RNF169: variants seen among roughly 807,000 people sequenced by gnomAD.
RNF169 encodes ring finger protein 169, also known as E3 ubiquitin-protein ligase RNF169.
RNF169 carries 24 observed loss-of-function variants against 53.9 expected under a neutral mutation model. That is an observed-to-expected ratio of 0.45 (90% CI 0.32 to 0.63). The LOEUF (loss-of-function observed/expected upper bound fraction) is 0.63. Among genes scored for constraint, RNF169 ranks in the 20% least tolerant of loss-of-function variants. The pLI, the probability that RNF169 is intolerant of heterozygous loss-of-function variation, is 0.04. For missense variants in RNF169, 883 were observed against 906.2 expected, an observed-to-expected ratio of 0.97 and a Z score of 0.33; for synonymous variants, 396 against 363.5, an observed-to-expected ratio of 1.09 and a Z score of -1.02.
intron 2 of RNF169, among the ~76,000 whole-genome samples, chr11:74,797,574 A>G (rs767091939): frequency 3.5e-4 from 53 of 152,188 alleles, no homozygotes; most frequent in Non-Finnish European, 2.9e-5. Context: ...CTCTTCACCA[A>G]GTACTTATCT....
At chr11:74,791,865 G>A (rs1332795956) in intron 2 of RNF169, among the ~76,000 whole-genome samples, 1 of 152,198 alleles carries the variant, frequency 6.6e-6, no homozygotes, top group Non-Finnish European at 1.5e-5. Context: ...ACCTGTTCCT[G>A]GCTCCAGCTG....
intron 1 of RNF169, among the ~76,000 whole-genome samples, chr11:74,758,572 G>C (rs1435375129): frequency 2.0e-5 from 3 of 151,656 alleles, no homozygotes; most frequent in African/African-American, 7.3e-5. Context: ...CGGGATCTCG[G>C]CTCACTGCAA....
At chr11:74,801,041 T>C (rs1426058808) in intron 2 of RNF169, among the ~76,000 whole-genome samples, 1 of 152,234 alleles carries the variant, frequency 6.6e-6, no homozygotes, top group East Asian at 1.9e-4. Context: ...TGGTAAAATA[T>C]TATTTTTGCA....
Position 74,839,965 on chromosome 11 carries a change from A to G in RNF169, c.*3235A>G, listed in dbSNP as rs551085779. 5 of 152,234 alleles carry G rather than the reference A, an allele frequency of 3.3e-5. No homozygotes were observed. The East Asian group carries it at 9.7e-4, about 29-fold the overall frequency. 9.4% of individuals were successfully genotyped at this position (152,234 alleles called of 1,614,324 possible). On this transcript the variant is annotated 3_prime_UTR_variant, in exon 6 of 6. Transcript: ENST00000299563. The stretch of plus-strand genomic sequence containing the variant: ...TTTTAAATTTTAATTTAATTTTTAA[A>G]TTTTTGCTTGGAAGCAGCACTGGTA...
chr11:74,820,936 C>G (rs546696317), intron 4 of RNF169, among the ~76,000 whole-genome samples: 1 of 152,246 alleles, frequency 6.6e-6, no homozygotes, highest in African/African-American at 2.4e-5. Flanking sequence ...ATTTAATTCT[C>G]ATATTCATCC....
chr11:74,769,725 A>T (rs1184622566), intron 1 of RNF169, among the ~76,000 whole-genome samples: 2 of 152,234 alleles, frequency 1.3e-5, no homozygotes, highest in Non-Finnish European at 2.9e-5. Context: ...TATATAAGTA[A>T]AAGTACGGAA....
chr11:74,756,886 G>A (rs563280382), intron 1 of RNF169, among the ~76,000 whole-genome samples: 2 of 152,180 alleles, frequency 1.3e-5, no homozygotes, highest in South Asian at 4.2e-4. Flanking sequence ...CACTCCCATG[G>A]GAGTGTTGTA....
At chr11:74,820,658 T>G (rs1364918828) in intron 4 of RNF169, among the ~76,000 whole-genome samples, 1 of 152,072 alleles carries the variant, frequency 6.6e-6, no homozygotes, top group Admixed American at 6.6e-5. Context: ...AGTCAAGTGT[T>G]TACCAGCCTG....
rs916890589 is a variant in RNF169 at position 74,748,930 on chromosome 11, C to T, written c.50C>T (p.Ala17Val). The T allele has an allele frequency of 6.9e-7, 1 of 1,458,902 alleles. No homozygotes were observed. The highest frequency in any genetic ancestry group is 9.1e-7 in the Non-Finnish European group (1 of 1,095,998). 90.4% of individuals were successfully genotyped at this position (1,458,902 alleles called of 1,614,324 possible). Residue 17 changes from alanine to valine, a missense_variant, in exon 1 of 6, where the codon GCC becomes GTC. Physicochemically the swap from Ala to Val is moderately conservative, Grantham distance 64. Transcript: ENST00000299563. The part of the protein sequence containing the change: ...STRASSAAAA[A>V]ALSRRGRRGR... ...CGGGCCTCTTCCGCGGCGGCAGCAG[C>T]CGCTCTGAGTCGGCGGGGCCGGCGG...
intron 1 of RNF169, among the ~76,000 whole-genome samples, chr11:74,764,874 CAG>C (rs890759809): frequency 2.6e-5 from 4 of 152,290 alleles, no homozygotes; most frequent in African/African-American, 7.2e-5. Context: ...AATAGGAAGA[CAG>C]AGATATTGAT....
chr11:74,803,037 C>A (rs1205018018), intron 2 of RNF169, among the ~76,000 whole-genome samples: 1 of 151,628 alleles, frequency 6.6e-6, no homozygotes, highest in African/African-American at 2.4e-5. Context: ...TCTCCTGCCT[C>A]AGCCTCCTGA....
At chr11:74,785,544 A>G (rs2035488108) in intron 1 of RNF169, among the ~76,000 whole-genome samples, 1 of 151,904 alleles carries the variant, frequency 6.6e-6, no homozygotes, top group African/African-American at 2.4e-5. Context: ...CTTTGGACCA[A>G]TTCACAACCT....
chr11:74,772,474 T>A (rs1268901165), intron 1 of RNF169, among the ~76,000 whole-genome samples: 1 of 320 alleles, frequency 3.1e-3, no homozygotes, highest in East Asian at 0.25. Context: ...GGATGCTGGT[T>A]TTTTTTTTTT....
chr11:74,796,781 T>C (rs1341058251), intron 2 of RNF169, among the ~76,000 whole-genome samples: 3 of 152,244 alleles, frequency 2.0e-5, no homozygotes, highest in African/African-American at 7.2e-5. Flanking sequence ...GTGGAGCATA[T>C]GAGTGGCTTA....
chr11:74,748,854 C>A lies in RNF169; in HGVS notation c.-27C>A. On this transcript the variant is annotated 5_prime_UTR_variant, in exon 1 of 6. Transcript: ENST00000299563. ...GCCCTCCACTCTTCTCCCTCGCAAC[C>A]GACTCTCCCTTCAAACGGGAAACAA... The A allele has an allele frequency of 7.3e-7, 1 of 1,378,780 alleles. No homozygotes were observed. The highest frequency in any genetic ancestry group is 9.5e-7 in the Non-Finnish European group (1 of 1,054,480). The allele number at this position is 1,378,780 out of a possible 1,614,324, so 85.4% of individuals were successfully genotyped here.
chr11:74,824,240 T>G (rs966661451), intron 4 of RNF169, among the ~76,000 whole-genome samples: 1 of 152,064 alleles, frequency 6.6e-6, no homozygotes, highest in African/African-American at 2.4e-5. Context: ...ATTCTGGAGC[T>G]GAAAAGTACA....
At chr11:74,749,456 G>T in intron 1 of RNF169, 74 bp downstream of exon 1, 1 of 1,144,326 alleles carries the variant, frequency 8.7e-7, no homozygotes, top group Non-Finnish European at 1.1e-6. Flanking sequence ...GTGAGGGGGT[G>T]GAGAGTCCCG....
chr11:74,810,251 A>G lies in RNF169; in HGVS notation c.644A>G (p.Asp215Gly), dbSNP rs372591156. 156 of 1,613,238 alleles carry G rather than the reference A, an allele frequency of 9.7e-5. No homozygotes were observed. The highest frequency in any genetic ancestry group is 1.2e-4 in the Non-Finnish European group (144 of 1,179,296). Reference sequence around the variant, plus strand: ...CAAATCCACAAGCTGTTACCAGAGGATACAGAAACAGGGAAAAGGAAAATG... The same window carrying G: ...CAAATCCACAAGCTGTTACCAGAGGGTACAGAAACAGGGAAAAGGAAAATG... ...EDQIHKLLPE[D>G]TETGKRKMDE... The change falls in exon 3 of 6, where the codon GAT becomes GGT. Residue 215 changes from aspartate (D) to glycine (G), a missense_variant. Physicochemically the swap from Asp to Gly is moderately conservative, Grantham distance 94 (BLOSUM62 -1). This residue lies in a region of RNF169 where 219 missense variants were observed against 289.1 expected (regional missense o/e 0.76). Transcript: ENST00000299563.
intron 3 of RNF169, among the ~76,000 whole-genome samples, chr11:74,812,136 T>C (rs1591421595): frequency 6.6e-6 from 1 of 152,342 alleles, no homozygotes; most frequent in Non-Finnish European, 1.5e-5. Context: ...AGCCACCTAA[T>C]TTTAATCTTA....
Sources: allele counts gnomAD v4.1 joint callset (sites outside exome capture counted in the v4.1 genomes callset), GRCh38; gene constraint gnomAD v4.1.1; regional missense constraint gnomAD v4.1.1; transcripts MANE v1.5; gene names NCBI Gene and HGNC (gene_info 2026-07-23, HGNC 2026-07-21).